Variants in AGBL1 observed in about 807,000 individuals in gnomAD.
AGBL1 encodes cytosolic carboxypeptidase 4.
In AGBL1, 130 loss-of-function variants were observed where a neutral mutation model predicts 118.9. The observed-to-expected ratio is 1.09, with a 90% confidence interval of 0.95 to 1.26. The LOEUF (loss-of-function observed/expected upper bound fraction) is 1.26. Among genes scored for constraint, AGBL1 ranks in the 50% most tolerant of loss-of-function variants. AGBL1 has a pLI of 0.00. For missense variants in AGBL1, 1,584 were observed against 1,298.1 expected, an observed-to-expected ratio of 1.22 and a Z score of -3.38; for synonymous variants, 555 against 478.9, an observed-to-expected ratio of 1.16 and a Z score of -2.08.
chr15:87,014,267 T>G, intron 24 of AGBL1, among the ~76,000 whole-genome samples: 1 of 98,266 alleles, frequency 1.0e-5, no homozygotes, highest in African/African-American at 3.2e-5. Flanking sequence ...GCTGTGTGTA[T>G]TAGCTAACGC....
intron 23 of AGBL1, among the ~76,000 whole-genome samples, chr15:86,973,315 C>T (rs72757456): frequency 6.6e-6 from 1 of 151,990 alleles, no homozygotes; most frequent in Non-Finnish European, 1.5e-5. Context: ...CCTAAACTTA[C>T]TTTTGTGACT....
intron 23 of AGBL1, among the ~76,000 whole-genome samples, chr15:86,922,989 A>T (rs2080495417): frequency 6.6e-6 from 1 of 152,154 alleles, no homozygotes; most frequent in African/African-American, 2.4e-5. Flanking sequence ...GCATGTGAAA[A>T]ATAAGGAGAC....
chr15:86,353,101 C>T (rs1236872760), intron 17 of AGBL1, among the ~76,000 whole-genome samples: 5 of 152,096 alleles, frequency 3.3e-5, no homozygotes, highest in African/African-American at 9.7e-5. Context: ...CTGACCAAAA[C>T]GTTTAGATGT....
chr15:86,746,598 T>C (rs1054927030), intron 22 of AGBL1, among the ~76,000 whole-genome samples: 5 of 152,104 alleles, frequency 3.3e-5, no homozygotes, highest in African/African-American at 9.7e-5. Flanking sequence ...ATTTACATTA[T>C]ATCCCCAGTG....
At chr15:86,790,992 A>T (rs75902942) in intron 22 of AGBL1, among the ~76,000 whole-genome samples, 2 of 152,216 alleles carry the variant, frequency 1.3e-5, no homozygotes, top group South Asian at 4.1e-4. Context: ...GGAAAGATCA[A>T]TCTTTGTCAG....
At chr15:86,102,080 G>T (rs1004062619) in intron 1 of AGBL1, among the ~76,000 whole-genome samples, 25 of 146,696 alleles carry the variant, frequency 1.7e-4, no homozygotes, top group African/African-American at 5.8e-4. Context: ...TTGCTCTCTT[G>T]CCCAGGCTGG....
At chr15:86,688,166 G>A (rs2086096176) in intron 22 of AGBL1, among the ~76,000 whole-genome samples, 1 of 152,098 alleles carries the variant, frequency 6.6e-6, no homozygotes, top group South Asian at 2.1e-4. Context: ...ACATTGCTTG[G>A]TGCTGCAGGG....
intron 22 of AGBL1, among the ~76,000 whole-genome samples, chr15:86,840,362 CTG>C (rs2079227881): frequency 6.6e-6 from 1 of 152,168 alleles, no homozygotes; most frequent in South Asian, 2.1e-4. Flanking sequence ...CAAGATGACA[CTG>C]TGTGGAAATT....
chr15:86,419,737 A>C (rs1004678441), intron 18 of AGBL1, among the ~76,000 whole-genome samples: 1 of 152,200 alleles, frequency 6.6e-6, no homozygotes, highest in Non-Finnish European at 1.5e-5. Flanking sequence ...CTGCCAGCAC[A>C]GCAGTCTGAA....
intron 5 of AGBL1, among the ~76,000 whole-genome samples, chr15:86,212,785 G>A (rs960607071): frequency 6.6e-6 from 1 of 152,186 alleles, no homozygotes; most frequent in African/African-American, 2.4e-5. Context: ...AAGTAGCTGG[G>A]ATTATAGGTG....
chr15:86,455,367 G>C (rs1453069407), intron 18 of AGBL1, among the ~76,000 whole-genome samples: 1 of 152,130 alleles, frequency 6.6e-6, no homozygotes, highest in Non-Finnish European at 1.5e-5. Context: ...AAGTCTCTAA[G>C]AGTTTTCAAA....
At chr15:86,867,007 T>C (rs1158742036) in intron 22 of AGBL1, among the ~76,000 whole-genome samples, 1 of 152,104 alleles carries the variant, frequency 6.6e-6, no homozygotes, top group Non-Finnish European at 1.5e-5. Context: ...AGGGCATGAG[T>C]TGAGATGGTG....
chr15:86,172,494 T>A (rs2077429612), intron 5 of AGBL1, among the ~76,000 whole-genome samples: 1 of 152,178 alleles, frequency 6.6e-6, no homozygotes. Flanking sequence ...ATTAACCGAT[T>A]TCTCTTCTCC....
At chr15:86,585,425 C>A (rs2084231356) in intron 21 of AGBL1, among the ~76,000 whole-genome samples, 1 of 152,158 alleles carries the variant, frequency 6.6e-6, no homozygotes, top group East Asian at 1.9e-4. Context: ...CAGGGTCTCA[C>A]TGTCTCTGCC....
intron 19 of AGBL1, among the ~76,000 whole-genome samples, chr15:86,537,814 C>T (rs138429438): frequency 2.2e-4 from 33 of 152,268 alleles, no homozygotes; most frequent in African/African-American, 2.9e-4. Context: ...TAACATCCTC[C>T]TTTAGGACTT....
At chr15:86,781,646 A>G (rs1230183685) in intron 22 of AGBL1, among the ~76,000 whole-genome samples, 3 of 152,172 alleles carry the variant, frequency 2.0e-5, no homozygotes, top group Non-Finnish European at 2.9e-5. Context: ...CCTATCCTTA[A>G]AGAACTTTTA....
chr15:86,474,260 G>T (rs975990796), intron 18 of AGBL1, among the ~76,000 whole-genome samples: 3 of 152,162 alleles, frequency 2.0e-5, no homozygotes, highest in African/African-American at 4.8e-5. Context: ...CTGAGTGTCA[G>T]CCGAAGAAGG....
At chr15:86,159,186 C>G (rs1190023474) in intron 5 of AGBL1, among the ~76,000 whole-genome samples, 160 bp downstream of exon 5, 1 of 152,156 alleles carries the variant, frequency 6.6e-6, no homozygotes, top group African/African-American at 2.4e-5. Flanking sequence ...TTACATCCCT[C>G]CACACCCATG....
intron 22 of AGBL1, among the ~76,000 whole-genome samples, chr15:86,770,559 C>T (rs551434218): frequency 2.0e-5 from 3 of 152,064 alleles, no homozygotes; most frequent in South Asian, 4.1e-4. Context: ...AAGAAAGACA[C>T]CGCAATTGCA....
Sources: allele counts gnomAD v4.1 joint callset (sites outside exome capture counted in the v4.1 genomes callset), GRCh38; gene constraint gnomAD v4.1.1; transcripts MANE v1.5; gene names NCBI Gene and HGNC (gene_info 2026-07-23, HGNC 2026-07-21).